Variants in SNRPN observed in about 807,000 individuals in gnomAD.
SNRPN encodes the protein small nuclear ribonucleoprotein polypeptide N.
Under a neutral mutation model 25.2 loss-of-function variants are expected in SNRPN, and 7 were observed. The ratio of observed to expected loss-of-function variants is 0.28; its 90% CI spans 0.16 to 0.52. The LOEUF is 0.52. Ranked by LOEUF, SNRPN falls within the 20% of genes least tolerant of loss-of-function variation. SNRPN has a pLI of 0.96. For missense variants in SNRPN, 196 were observed against 322.5 expected, an observed-to-expected ratio of 0.61 and a Z score of 3.00; for synonymous variants, 124 against 110.6, an observed-to-expected ratio of 1.12 and a Z score of -0.76.
At chr15:24,893,882 G>T (rs2057869427) in intron 2 of SNRPN, among the ~76,000 whole-genome samples, 1 of 151,792 alleles carries the variant, frequency 6.6e-6, no homozygotes, top group Non-Finnish European at 1.5e-5. Context: ...GGTGGAGAAA[G>T]GTAAAAAATA....
In SNRPN at chr15:24,837,200, C is replaced by A. The variant is rs78852033; in HGVS notation, c.-579+7295C>A. ...TAAAGATGTCCAAAGGTAACTCTGG[C>A]GAAAAGAATGAACTCCTTGTACAGC... On this transcript the variant is annotated intron_variant, in intron 2 of 12. Transcript: ENST00000400100. Among the ~76,000 whole-genome samples, 1,024 of 151,824 alleles carry A rather than the reference C, an allele frequency of 6.7e-3. 19 individuals carry two copies. Among genetic ancestry groups the A allele is most frequent in the African/African-American group, 0.024 (972 of 41,330 alleles).
At chr15:24,828,007 A>T (rs958419504) in intron 1 of SNRPN, among the ~76,000 whole-genome samples, 1 of 152,068 alleles carries the variant, frequency 6.6e-6, no homozygotes, top group Non-Finnish European at 1.5e-5. Flanking sequence ...AACGGCCCTT[A>T]TGTGGTACAT....
At chr15:24,936,287 G>C (rs1173822022) in intron 3 of SNRPN, among the ~76,000 whole-genome samples, 1 of 152,102 alleles carries the variant, frequency 6.6e-6, no homozygotes, top group Non-Finnish European at 1.5e-5. Context: ...TTGCTGCTTG[G>C]CATCCAGAAT....
chr15:24,959,650 T>C (rs2074445682), intron 1 of SNRPN, among the ~76,000 whole-genome samples: 1 of 152,184 alleles, frequency 6.6e-6, no homozygotes, highest in South Asian at 2.1e-4. Context: ...AATTGTATTA[T>C]ATTAAGGTAC....
chr15:24,955,092 G>C (rs1266504939), intron 1 of SNRPN, 30 bp downstream of exon 1: 1 of 1,613,616 alleles, frequency 6.2e-7, no homozygotes, highest in Non-Finnish European at 8.5e-7. Context: ...TCTCTCAAGA[G>C]ACAGCCTGGG....
At chr15:24,927,787 G>T (rs150019689) in intron 3 of SNRPN, among the ~76,000 whole-genome samples, 2 of 152,102 alleles carry the variant, frequency 1.3e-5, no homozygotes, top group East Asian at 3.9e-4. Flanking sequence ...CCTCTGAAAT[G>T]GTTCCTCTGC....
intron 2 of SNRPN, among the ~76,000 whole-genome samples, chr15:24,918,307 CA>C (rs965590230): frequency 4.3e-5 from 6 of 138,818 alleles, no homozygotes; most frequent in Admixed American, 2.4e-4. Flanking sequence ...CATATATATG[CA>C]AACATATATA....
upstream of SNRPN, among the ~76,000 whole-genome samples, chr15:24,852,810 C>T (rs905787264): frequency 6.6e-6 from 1 of 152,052 alleles, no homozygotes; most frequent in Admixed American, 6.6e-5. Context: ...TCTGCAGTCT[C>T]AGCTACTCGG....
upstream of SNRPN, among the ~76,000 whole-genome samples, chr15:24,856,197 G>A (rs568507346): frequency 9.2e-5 from 14 of 152,234 alleles, no homozygotes; most frequent in South Asian, 4.1e-4. Context: ...AAACCTCTAT[G>A]CCTTGAACCT....
At chr15:24,890,047 CAAA>C (rs538959500) in intron 2 of SNRPN, among the ~76,000 whole-genome samples, 4 of 84,642 alleles carry the variant, frequency 4.7e-5, no homozygotes, top group Middle Eastern at 6.5e-3. Context: ...AACTCCATTT[CAAA>C]AAAAAAAAAA....
At chr15:24,875,991 T>A (rs1411080433) in intron 1 of SNRPN, among the ~76,000 whole-genome samples, 1 of 151,352 alleles carries the variant, frequency 6.6e-6, no homozygotes, top group Non-Finnish European at 1.5e-5. Context: ...CAAGTGGAGG[T>A]TGCAGTGAGC....
chr15:24,909,344 A>G, intron 2 of SNRPN: 3 of 1,602,638 alleles, frequency 1.9e-6, no homozygotes, highest in Middle Eastern at 3.3e-4. Flanking sequence ...CAGGGCACCA[A>G]AAACTTTATT....
chr15:24,975,323 C>G, intron 4 of SNRPN, 35 bp from the exon 5 acceptor site: 1 of 1,587,024 alleles, frequency 6.3e-7, no homozygotes. Context: ...AGGGTGTTGG[C>G]AAGCTGAACA....
intron 2 of SNRPN, among the ~76,000 whole-genome samples, chr15:24,837,722 C>G (rs1566810770): frequency 6.7e-6 from 1 of 149,746 alleles, no homozygotes; most frequent in Non-Finnish European, 1.5e-5. Context: ...GATGCAATAA[C>G]TCTTTAAATT....
intron 3 of SNRPN, among the ~76,000 whole-genome samples, chr15:24,935,958 T>A (rs909895107): frequency 1.3e-5 from 2 of 151,922 alleles, no homozygotes; most frequent in African/African-American, 4.8e-5. Flanking sequence ...CTACTAAAAA[T>A]ACAAAAATTA....
intron 2 of SNRPN, among the ~76,000 whole-genome samples, chr15:24,894,281 T>G (rs11161157): frequency 1.3e-5 from 2 of 151,290 alleles, no homozygotes; most frequent in African/African-American, 2.4e-5. Context: ...CGCAGTGGTG[T>G]GATCTCGGCT....
chr15:24,856,903 T>C (rs916631670), intron 1 of SNRPN, among the ~76,000 whole-genome samples: 2 of 152,212 alleles, frequency 1.3e-5, no homozygotes, highest in Non-Finnish European at 2.9e-5. Context: ...TTTCAAAATA[T>C]CTTGTCAGTT....
intron 3 of SNRPN, among the ~76,000 whole-genome samples, chr15:24,938,171 C>T (rs1261571265): frequency 1.3e-5 from 2 of 151,252 alleles, no homozygotes; most frequent in Non-Finnish European, 2.9e-5. Context: ...AGTCCAGTGC[C>T]ACGCCATGAT....
At chr15:24,840,361 A>AAAAAT (rs897867372) in intron 2 of SNRPN, among the ~76,000 whole-genome samples, 1 of 152,182 alleles carries the variant, frequency 6.6e-6, no homozygotes, top group Non-Finnish European at 1.5e-5. Flanking sequence ...TCCATCTCAA[A>AAAAAT]AAAATAAAAT....
Sources: gnomAD v4.1 joint callset for allele counts (sites outside exome capture counted in the v4.1 genomes callset) on GRCh38, gnomAD v4.1.1 for gene constraint, MANE v1.5 for transcripts, NCBI Gene and HGNC (gene_info 2026-07-23, HGNC 2026-07-21) for gene names.